RBFOX1: variants seen among roughly 807,000 people sequenced by gnomAD.
RBFOX1 encodes RNA binding fox-1 homolog 1.
RBFOX1 carries 8 observed loss-of-function variants against 57.7 expected under a neutral mutation model. The observed-to-expected ratio is 0.14, with a 90% CI of 0.08 to 0.25. RBFOX1 has a LOEUF of 0.25. RBFOX1 is among the 10% of genes least tolerant of loss of function. The pLI is 1.00. For synonymous variants in RBFOX1, 326 were observed against 222.4 expected, an observed-to-expected ratio of 1.47 and a Z score of -4.15; for missense variants, 611 against 548.5, an observed-to-expected ratio of 1.11 and a Z score of -1.14.
intron 3 of RBFOX1, among the ~76,000 whole-genome samples, chr16:6,929,758 A>G (rs1313864082): frequency 6.6e-6 from 1 of 152,178 alleles, no homozygotes; most frequent in Non-Finnish European, 1.5e-5. Flanking sequence ...AATAGAAATG[A>G]TCGTTTCAGG....
At chr16:5,584,514 TC>T (rs1296247813) in intron 2 of RBFOX1, among the ~76,000 whole-genome samples, 2 of 152,192 alleles carry the variant, frequency 1.3e-5, no homozygotes, top group African/African-American at 4.8e-5. Flanking sequence ...TGCTGTGAGT[TC>T]CCTCACAAGG....
chr16:5,432,365 G>A (rs764481673), intron 1 of RBFOX1, among the ~76,000 whole-genome samples: 1 of 152,156 alleles, frequency 6.6e-6, no homozygotes, highest in Non-Finnish European at 1.5e-5. Flanking sequence ...CTGGCGTGAA[G>A]CTCTCGACTG....
chr16:6,677,329 T>G (rs779962723), intron 3 of RBFOX1, among the ~76,000 whole-genome samples: 1 of 152,196 alleles, frequency 6.6e-6, no homozygotes, highest in Non-Finnish European at 1.5e-5. Flanking sequence ...TTTGTAACAC[T>G]GAACTGATAT....
At chr16:6,109,374 A>T (rs1486325711) in intron 1 of RBFOX1, among the ~76,000 whole-genome samples, 1 of 152,186 alleles carries the variant, frequency 6.6e-6, no homozygotes, top group Non-Finnish European at 1.5e-5. Context: ...TAAATTCCAT[A>T]TTGGAAAGAC....
chr16:6,660,691 T>C (rs566316881), intron 3 of RBFOX1, among the ~76,000 whole-genome samples: 1 of 152,346 alleles, frequency 6.6e-6, no homozygotes, highest in South Asian at 2.1e-4. Flanking sequence ...CTTGAGAAAT[T>C]CATAATACTG....
At chr16:6,178,840 G>A (rs1275974458) in intron 1 of RBFOX1, among the ~76,000 whole-genome samples, 2 of 152,096 alleles carry the variant, frequency 1.3e-5, no homozygotes, top group African/African-American at 4.8e-5. Context: ...TGCAAATGAA[G>A]GTGAAGTAAA....
intron 3 of RBFOX1, among the ~76,000 whole-genome samples, chr16:6,815,067 C>G (rs139686598): frequency 6.6e-6 from 1 of 152,196 alleles, no homozygotes; most frequent in African/African-American, 2.4e-5. Flanking sequence ...TCCCGGAAAG[C>G]GGTAGGCAAT....
intron 1 of RBFOX1, among the ~76,000 whole-genome samples, chr16:6,133,832 T>TACAC (rs372151510): frequency 6.6e-6 from 1 of 151,746 alleles, no homozygotes; most frequent in Non-Finnish European, 1.5e-5. Context: ...CAAGCAATAG[T>TACAC]ACACACACAC....
intron 1 of RBFOX1, among the ~76,000 whole-genome samples, chr16:6,162,967 C>T (rs1211306392): frequency 6.6e-6 from 1 of 152,166 alleles, no homozygotes; most frequent in African/African-American, 2.4e-5. Context: ...CTCCTGACCT[C>T]AGGTGATCCA....
chr16:7,603,119 A>C lies in RBFOX1; in HGVS notation c.623-4166A>C, dbSNP rs185545399. Among the ~76,000 whole-genome samples the C allele has an allele frequency of 5.9e-5, 9 of 152,332 alleles. No homozygotes were observed. In the East Asian group the frequency reaches 1.7e-3, roughly 29 times the overall value. On this transcript the variant is annotated intron_variant, in intron 9 of 15. Coordinates refer to ENST00000550418, the MANE Select transcript of RBFOX1 (RefSeq NM_018723.4). The stretch of plus-strand genomic sequence containing the variant: ...TATAGTAATAAACGCCTACATCAAA[A>C]AAGTAATTTCAACTAAGCAACCGGG...
rs553811055 is a variant in RBFOX1, at chr16:5,536,907, G to C, written c.259-61995G>C. 5.3e-5 allele frequency among the ~76,000 whole-genome samples: 8 copies of C among 152,332 alleles called. 1 individual carries two copies. In the South Asian group the frequency reaches 1.7e-3, roughly 32 times the overall value. On this transcript the variant is annotated intron_variant, in intron 2 of 2. Coordinates refer to the RBFOX1 transcript ENST00000585867. ...CTTCCATTCTGTGGGCATCTGGCTT[G>C]CTGGAAAATGGGCTGGTTTACATTG...
At chr16:6,012,649 A>G (rs1268341124) in intron 4 of RBFOX1, among the ~76,000 whole-genome samples, 1 of 152,230 alleles carries the variant, frequency 6.6e-6, no homozygotes, top group Non-Finnish European at 1.5e-5. Context: ...GTGTCATCTC[A>G]TGGAACAGGG....
At chr16:6,963,127 C>T (rs370587986) in intron 3 of RBFOX1, among the ~76,000 whole-genome samples, 1 of 152,130 alleles carries the variant, frequency 6.6e-6, no homozygotes, top group East Asian at 1.9e-4. Flanking sequence ...CCTCTGGGTG[C>T]AGGACTCTTT....
intron 2 of RBFOX1, among the ~76,000 whole-genome samples, chr16:6,449,550 G>A (rs1240032066): frequency 1.3e-5 from 2 of 152,148 alleles, no homozygotes; most frequent in Non-Finnish European, 2.9e-5. Context: ...TGGCTGAATC[G>A]GAGGATTTAT....
intron 1 of RBFOX1, among the ~76,000 whole-genome samples, chr16:6,127,082 C>T (rs1197439201): frequency 3.9e-5 from 6 of 152,080 alleles, no homozygotes; most frequent in African/African-American, 1.2e-4. Context: ...ATGGGAAGAA[C>T]ATCTCAGAGG....
chr16:7,172,200 C>G (rs1177294833), intron 4 of RBFOX1, among the ~76,000 whole-genome samples: 1 of 152,090 alleles, frequency 6.6e-6, no homozygotes, highest in Non-Finnish European at 1.5e-5. Flanking sequence ...CCAATAATTC[C>G]ATATTTTCTT....
chr16:6,346,113 C>G (rs912831127), intron 2 of RBFOX1, among the ~76,000 whole-genome samples: 2 of 152,096 alleles, frequency 1.3e-5, no homozygotes, highest in Admixed American at 6.6e-5. Flanking sequence ...CAGGTTGGCC[C>G]TAAGCATTTC....
chr16:5,747,160 G>T lies in RBFOX1; in HGVS notation c.319-120143G>T, dbSNP rs564305683. Among the ~76,000 whole-genome samples the T allele has an allele frequency of 5.0e-4, 76 of 152,288 alleles. 1 individual carries two copies. Among genetic ancestry groups the T allele is most frequent in the South Asian group, 4.4e-3 (21 of 4,822 alleles). ...AGATAATCATGTGGTTTTGGTGTTT[G>T]GTTCTGTTAAAATGCTGGATTACAT... On this transcript the variant is annotated intron_variant, in intron 3 of 19. Transcript: ENST00000641259.
At chr16:5,962,265 C>G (rs151127693) in intron 4 of RBFOX1, among the ~76,000 whole-genome samples, 128 of 152,266 alleles carry the variant, frequency 8.4e-4, no homozygotes, top group African/African-American at 2.9e-3. Flanking sequence ...TGAGCTATTA[C>G]AGTATTTCCC....
Sources: allele counts gnomAD v4.1 joint callset (sites outside exome capture counted in the v4.1 genomes callset), GRCh38; gene constraint gnomAD v4.1.1; transcripts MANE v1.5; gene names NCBI Gene and HGNC (gene_info 2026-07-23, HGNC 2026-07-21).